The following ELMO1 variants were observed in gnomAD, a reference collection of about 807,000 sequenced individuals.
ELMO1 encodes the protein engulfment and cell motility 1.
Under a neutral mutation model 98.9 loss-of-function variants are expected in ELMO1, and 26 were observed. The observed-to-expected ratio is 0.26, with a 90% confidence interval of 0.19 to 0.36. ELMO1 has a LOEUF of 0.36. ELMO1 is among the 10% of genes least tolerant of loss of function. The pLI is 1.00. For synonymous variants in ELMO1, 346 were observed against 346.0 expected (o/e 1.00, Z 0.00); for missense variants, 627 against 935.2 (o/e 0.67, Z 4.30).
intron 20 of ELMO1, chr7:36,862,165 G>T: frequency 5.3e-6 from 1 of 189,646 alleles, no homozygotes; most frequent in South Asian, 1.1e-4. Context: ...CAATCAACAG[G>T]ATTAAGGACT....
At chr7:37,327,266 C>T (rs1407668748) in intron 2 of ELMO1, among the ~76,000 whole-genome samples, 1 of 152,208 alleles carries the variant, frequency 6.6e-6, no homozygotes, top group South Asian at 2.1e-4. Flanking sequence ...TACCTTCACC[C>T]ATGTGAAATA....
At chr7:36,874,629 G>A (rs2129042796) in intron 19 of ELMO1, among the ~76,000 whole-genome samples, 1 of 152,288 alleles carries the variant, frequency 6.6e-6, no homozygotes, top group East Asian at 1.9e-4. Context: ...GCATCCACTG[G>A]AGCAGGCTTC....
intron 15 of ELMO1, among the ~76,000 whole-genome samples, 174 bp downstream of exon 15, chr7:37,096,445 G>C (rs1156853391): frequency 6.6e-6 from 1 of 152,018 alleles, no homozygotes; most frequent in Non-Finnish European, 1.5e-5. Context: ...TTCCAGACCA[G>C]ACATGCAAAA....
intron 1 of ELMO1, among the ~76,000 whole-genome samples, chr7:37,438,043 G>A (rs956047589): frequency 6.6e-6 from 1 of 151,862 alleles, no homozygotes; most frequent in Admixed American, 6.6e-5. Flanking sequence ...CCACCATGCT[G>A]TGTAATAAAA....
intron 6 of ELMO1, among the ~76,000 whole-genome samples, chr7:37,247,998 TTA>T (rs1248001091): frequency 1.3e-5 from 2 of 150,662 alleles, no homozygotes; most frequent in South Asian, 2.1e-4. Flanking sequence ...CTTATGGTTT[TTA>T]TATGAGTTCC....
chr7:37,328,428 A>G (rs535512669), intron 2 of ELMO1, among the ~76,000 whole-genome samples: 1 of 144,750 alleles, frequency 6.9e-6, no homozygotes, highest in Non-Finnish European at 1.5e-5. Context: ...TAACTTGCTC[A>G]AAGCCTCACA....
intron 5 of ELMO1, among the ~76,000 whole-genome samples, chr7:37,267,005 T>C (rs1796275654): frequency 4.0e-5 from 4 of 100,434 alleles, no homozygotes; most frequent in African/African-American, 3.8e-5. Flanking sequence ...AGAGCAAGAC[T>C]CCATCTAAAA....
chr7:37,031,148 G>A (rs1260857318), intron 15 of ELMO1, among the ~76,000 whole-genome samples: 1 of 152,060 alleles, frequency 6.6e-6, no homozygotes, highest in Non-Finnish European at 1.5e-5. Context: ...AGGCTACAAT[G>A]GTCTCCCAGT....
At chr7:37,399,613 A>G (rs1803441293) in intron 1 of ELMO1, among the ~76,000 whole-genome samples, 1 of 152,192 alleles carries the variant, frequency 6.6e-6, no homozygotes, top group African/African-American at 2.4e-5. Context: ...TCAACATGCA[A>G]CATGCTTTTG....
At chr7:36,893,247 C>T (rs2129054257) in intron 17 of ELMO1, among the ~76,000 whole-genome samples, 1 of 152,262 alleles carries the variant, frequency 6.6e-6, no homozygotes, top group East Asian at 1.9e-4. Context: ...ACACTGTAGG[C>T]CCTGGGATGG....
intron 16 of ELMO1, among the ~76,000 whole-genome samples, chr7:36,935,475 C>A (rs1882086): frequency 0.71 from 108,590 of 152,104 alleles, 38,965 homozygotes; most frequent in Admixed American, 0.76. Flanking sequence ...TTTTTTGTTG[C>A]CATCCTTATC....
At chr7:36,873,524 T>G (rs1803706716) in intron 19 of ELMO1, among the ~76,000 whole-genome samples, 1 of 152,254 alleles carries the variant, frequency 6.6e-6, no homozygotes, top group East Asian at 1.9e-4. Flanking sequence ...TGAGACCATC[T>G]TAATTCAACA....
intron 20 of ELMO1, among the ~76,000 whole-genome samples, chr7:36,868,447 G>A (rs10241025): frequency 0.049 from 7,401 of 151,568 alleles, 389 homozygotes; most frequent in East Asian, 0.25. Context: ...CTGGGTTCAA[G>A]TGATTCTCCT....
chr7:37,263,015 T>A (rs942782168), intron 5 of ELMO1, among the ~76,000 whole-genome samples: 2 of 152,174 alleles, frequency 1.3e-5, no homozygotes, highest in African/African-American at 4.8e-5. Context: ...AGAAGTGACC[T>A]CCAATCAAAA....
At chr7:37,407,950 A>T (rs1803840404) in intron 1 of ELMO1, among the ~76,000 whole-genome samples, 2 of 152,186 alleles carry the variant, frequency 1.3e-5, no homozygotes, top group Non-Finnish European at 2.9e-5. Context: ...TAAACCTAAA[A>T]TTTCTCTTAG....
Position 37,066,568 on chromosome 7 carries a change from T to C in ELMO1, c.1300+30051A>G, listed in dbSNP as rs140746306. Among the ~76,000 whole-genome samples, 594 of 152,302 alleles carry C rather than the reference T, an allele frequency of 3.9e-3. 6 individuals carry two copies. In the Middle Eastern group the frequency reaches 0.048, roughly 12 times the overall value. ...AAAGAGCCTCAAAGAGTTCTAGTGT[T>C]CTATACCACCGTAGGATGACTATAG... On this transcript the variant is annotated intron_variant, in intron 15 of 21. Coordinates refer to ENST00000310758, the MANE Select transcript of ELMO1 (RefSeq NM_014800.11).
At chr7:37,255,432 G>A (rs1795586660) in intron 6 of ELMO1, among the ~76,000 whole-genome samples, 1 of 152,146 alleles carries the variant, frequency 6.6e-6, no homozygotes, top group Non-Finnish European at 1.5e-5. Context: ...TGTTGTTTAT[G>A]CCACTCAGTC....
chr7:36,875,170 G>T (rs997526696), intron 19 of ELMO1, among the ~76,000 whole-genome samples: 3 of 152,204 alleles, frequency 2.0e-5, no homozygotes, highest in Admixed American at 6.5e-5. Context: ...AGTTCCAAAA[G>T]GTGGCTATTT....
chr7:37,412,910 C>T (rs1022854197), intron 1 of ELMO1, among the ~76,000 whole-genome samples: 3 of 152,174 alleles, frequency 2.0e-5, no homozygotes, highest in African/African-American at 7.2e-5. Flanking sequence ...GTCCTCCAGC[C>T]CCAGTCCAGC....
Sources: gnomAD v4.1 joint callset for allele counts (sites outside exome capture counted in the v4.1 genomes callset) on GRCh38, gnomAD v4.1.1 for gene constraint, MANE v1.5 for transcripts, NCBI Gene and HGNC (gene_info 2026-07-23, HGNC 2026-07-21) for gene names.